Variants in FSCN2 observed in about 807,000 individuals in gnomAD.
The protein encoded by FSCN2 is fascin-2.
Under a neutral mutation model 37.8 loss-of-function variants are expected in FSCN2, and 46 were observed. The ratio of observed to expected loss-of-function variants is 1.22; its 90% CI spans 0.96 to 1.56. The LOEUF (loss-of-function observed/expected upper bound fraction) is 1.56. FSCN2 is among the 40% of genes most tolerant of loss of function. The pLI is 0.00. For missense variants in FSCN2, 844 were observed against 730.4 expected (o/e 1.16, Z -1.79); for synonymous variants, 351 against 309.4 (o/e 1.13, Z -1.41).
chr17:81,519,677 G>T, the FSCN2 span, among the ~76,000 whole-genome samples: 1 of 152,204 alleles, frequency 6.6e-6, no homozygotes, highest in African/African-American at 2.4e-5. Context: ...ACAGAGGCAG[G>T]GCTGCCTGGG....
At position 81,536,139 on chromosome 17, in the gene FSCN2, C is replaced by T. The variant is rs139335460; in HGVS notation, c.984-7C>T. 1,659 of 1,606,642 alleles carry T rather than the reference C, an allele frequency of 1.0e-3. No homozygotes were observed. The highest frequency in any genetic ancestry group is 1.7e-3 in the Middle Eastern group (10 of 6,048). ...GTCCTGAGGAGACCTTTTGCTGCTC[C>T]CTCCAGTTCTGCCAACACCATGTTT... is the stretch of plus-strand genomic sequence containing the variant. On this transcript the variant is annotated splice_region_variant and splice_polypyrimidine_tract_variant and intron_variant, in intron 2 of 4. Coordinates refer to ENST00000417245, the MANE Select transcript of FSCN2 (RefSeq NM_012418.4).
chr17:81,530,688 C>A, intron 1 of FSCN2: 1 of 479,162 alleles, frequency 2.1e-6, no homozygotes, highest in Admixed American at 2.5e-5. Flanking sequence ...CCCCTGGGTA[C>A]ACTGACACTC....
intron 1 of FSCN2, 63 bp downstream of exon 1, chr17:81,529,420 G>C: frequency 8.0e-7 from 1 of 1,245,678 alleles, no homozygotes; most frequent in Non-Finnish European, 1.1e-6. Context: ...TCAGGGAGGA[G>C]GCCGTGGGGG....
intron 1 of FSCN2, among the ~76,000 whole-genome samples, chr17:81,531,465 ATGGTGGTGG>A (rs1406798739): frequency 4.2e-5 from 3 of 71,762 alleles, no homozygotes; most frequent in African/African-American, 5.9e-5. Flanking sequence ...GATGGTGATG[ATGGTGGTGG>A]TGGTGATGGT....
intron 3 of FSCN2, 153 bp downstream of exon 3, chr17:81,536,420 C>G: frequency 6.2e-6 from 9 of 1,443,708 alleles, no homozygotes; most frequent in Non-Finnish European, 8.3e-6. Context: ...CAAGATAACT[C>G]GTCTTGGCAA....
chr17:81,518,863 G>A, the FSCN2 span, among the ~76,000 whole-genome samples: 4 of 152,258 alleles, frequency 2.6e-5, no homozygotes, highest in African/African-American at 4.8e-5. Flanking sequence ...AAGGGCAAGA[G>A]GTTACTGCTC....
At chr17:81,518,052 C>T in the FSCN2 span, among the ~76,000 whole-genome samples, 3 of 152,150 alleles carry the variant, frequency 2.0e-5, no homozygotes, top group African/African-American at 7.2e-5. Flanking sequence ...TTCAAATCCC[C>T]GCTGCTCCCA....
At position 81,528,784 on chromosome 17, in the gene FSCN2, G is replaced by T; in HGVS notation, c.253G>T (p.Gly85Cys). The change falls in exon 1 of 5, where the codon GGC becomes TGC. Residue 85 changes from glycine (G) to cysteine (C), a missense_variant. Physicochemically the swap from Gly to Cys is radical, Grantham distance 159. Coordinates refer to ENST00000417245, the MANE Select transcript of FSCN2 (RefSeq NM_012418.4). The stretch of plus-strand genomic sequence containing the variant: ...CGTGGCCTGTGAGGCAGAGCAGCCG[G>T]GCCGTGACTGCCGCTTCCTGGTCCT... ...GRVACEAEQP[G>C]RDCRFLVLPQ... The T allele has an allele frequency of 6.4e-7, 1 of 1,568,122 alleles. No homozygotes were observed. Among genetic ancestry groups the T allele is most frequent in the Non-Finnish European group, 8.6e-7 (1 of 1,158,598 alleles).
rs1320905790 is a variant in FSCN2, at chr17:81,528,801, C to T, written c.270C>T (p.Phe90=). Residue 90 remains phenylalanine, a synonymous_variant, in exon 1 of 5, where the codon TTC becomes TTT. Transcript: ENST00000417245. Reference sequence around the variant, plus strand: ...AGCAGCCGGGCCGTGACTGCCGCTTCCTGGTCCTGCCGCAGCCAGATGGGC... The same window carrying T: ...AGCAGCCGGGCCGTGACTGCCGCTTTCTGGTCCTGCCGCAGCCAGATGGGC... ...EAEQPGRDCR[F]LVLPQPDGRW... The T allele has an allele frequency of 1.9e-6, 3 of 1,562,498 alleles. No homozygotes were observed. The highest frequency in any genetic ancestry group is 3.8e-5 in the Admixed American group (2 of 52,610).
intron 2 of FSCN2, 27 bp downstream of exon 2, chr17:81,535,235 C>T: frequency 6.7e-7 from 1 of 1,491,710 alleles, no homozygotes; most frequent in Non-Finnish European, 9.0e-7. Flanking sequence ...CTTCCTCCTC[C>T]ATCATCCCCA....
chr17:81,520,673 A>ACTG, the FSCN2 span, among the ~76,000 whole-genome samples: 5 of 152,342 alleles, frequency 3.3e-5, no homozygotes, highest in East Asian at 9.6e-4. Flanking sequence ...TCTTGCTGGC[A>ACTG]CTGCTGCTGA....
intron 1 of FSCN2, among the ~76,000 whole-genome samples, chr17:81,529,834 G>C (rs1319671549): frequency 6.6e-6 from 1 of 152,210 alleles, no homozygotes; most frequent in African/African-American, 2.4e-5. Context: ...TTTTGAGACA[G>C]AGTCTCGCTC....
chr17:81,520,095 C>A, the FSCN2 span, among the ~76,000 whole-genome samples: 1 of 152,214 alleles, frequency 6.6e-6, no homozygotes, highest in East Asian at 1.9e-4. Context: ...GTGGCAGGGG[C>A]CGCCCCAGAC....
intron 1 of FSCN2, among the ~76,000 whole-genome samples, chr17:81,531,534 G>GTGGTGATGGCGA (rs2032602093): frequency 2.3e-5 from 2 of 88,754 alleles, no homozygotes; most frequent in Non-Finnish European, 4.9e-5. Context: ...GATGGCGATG[G>GTGGTGATGGCGA]TGGTGATGAT....
At chr17:81,536,491 G>A (rs1160617913) in intron 3 of FSCN2, 131 bp from the exon 4 acceptor site, 1 of 1,532,978 alleles carries the variant, frequency 6.5e-7, no homozygotes, top group Non-Finnish European at 8.7e-7. Context: ...GCCTTGCCAA[G>A]GCCGCACATG....
chr17:81,526,335 C>T (rs1568072082), upstream of FSCN2, among the ~76,000 whole-genome samples: 1 of 152,256 alleles, frequency 6.6e-6, no homozygotes, highest in African/African-American at 2.4e-5. Flanking sequence ...GCTGTACCCT[C>T]AAAATCCAAC....
chr17:81,523,529 G>A (rs1375504239), upstream of FSCN2: 4 of 152,440 alleles, frequency 2.6e-5, no homozygotes, highest in Admixed American at 2.0e-4. Context: ...CAGGAGTGAG[G>A]ACATCAAGGC....
the FSCN2 span, among the ~76,000 whole-genome samples, chr17:81,517,275 G>C: frequency 6.6e-6 from 1 of 152,250 alleles, no homozygotes; most frequent in Admixed American, 6.5e-5. Context: ...AGAGCCCTGA[G>C]CTGGGAGTCG....
In FSCN2 at chr17:81,536,900, G is replaced by A. The variant is rs1184850280; in HGVS notation, c.1299G>A (p.Thr433=). ...GCCGCGACGGAGGGTTCTGGTACACGGGCAGCCACGGCAGCGTGTGCAGCG... is the reference window on the plus strand; with the variant it reads ...GCCGCGACGGAGGGTTCTGGTACACAGGCAGCCACGGCAGCGTGTGCAGCG... ...IRGRDGGFWY[T]GSHGSVCSDG... is the part of the protein sequence containing the mutation. The change falls in exon 5 of 5, where the codon ACG becomes ACA. Residue 433 remains threonine (T), a synonymous_variant. Transcript: ENST00000417245. 8.9e-6 allele frequency: 14 copies of A among 1,576,332 alleles called. No homozygotes were observed. The highest frequency in any genetic ancestry group is 1.2e-5 in the Non-Finnish European group (14 of 1,163,756).
Sources: allele counts gnomAD v4.1 joint callset (sites outside exome capture counted in the v4.1 genomes callset), GRCh38; gene constraint gnomAD v4.1.1; transcripts MANE v1.5; gene names NCBI Gene and HGNC (gene_info 2026-07-23, HGNC 2026-07-21).